The following STK3 variants were observed in gnomAD, a reference collection of about 807,000 sequenced individuals.
The protein encoded by STK3 is serine/threonine-protein kinase 3.
Under a neutral mutation model 58.0 loss-of-function variants are expected in STK3, and 41 were observed. The ratio of observed to expected loss-of-function variants is 0.71; its 90% CI spans 0.55 to 0.92. The LOEUF is 0.92. Among genes scored for constraint, STK3 ranks in the 40% least tolerant of loss-of-function variants. The pLI, the probability that STK3 is intolerant of heterozygous loss-of-function variation, is 0.00. For missense variants in STK3, 479 were observed against 602.7 expected (o/e 0.79, Z 2.15); for synonymous variants, 170 against 191.0 (o/e 0.89, Z 0.91).
intron 10 of STK3, among the ~76,000 whole-genome samples, chr8:98,497,103 T>C (rs1823198436): frequency 6.6e-6 from 1 of 152,060 alleles, no homozygotes; most frequent in Non-Finnish European, 1.5e-5. Context: ...AAGATAGACA[T>C]ATAGATCAGT....
intron 3 of STK3, among the ~76,000 whole-genome samples, chr8:98,878,106 G>A (rs558194616): frequency 1.5e-4 from 23 of 150,172 alleles, no homozygotes; most frequent in African/African-American, 5.2e-4. Flanking sequence ...AGGCTGGAGT[G>A]CAGTGGTGTG....
chr8:98,555,711 T>C (rs1037076875), intron 8 of STK3, among the ~76,000 whole-genome samples: 7 of 152,168 alleles, frequency 4.6e-5, no homozygotes, highest in Non-Finnish European at 7.3e-5. Flanking sequence ...AGTTGCATTA[T>C]AGTGGTCTAA....
intron 10 of STK3, among the ~76,000 whole-genome samples, chr8:98,510,523 A>G (rs1824433687): frequency 6.6e-6 from 1 of 151,952 alleles, no homozygotes; most frequent in Non-Finnish European, 1.5e-5. Flanking sequence ...GCTCTCAATG[A>G]TATTATGAAC....
intron 6 of STK3, among the ~76,000 whole-genome samples, chr8:98,612,827 A>C (rs1817308350): frequency 6.6e-6 from 1 of 152,162 alleles, no homozygotes; most frequent in Non-Finnish European, 1.5e-5. Context: ...AGACTATAAC[A>C]AGGTCCCACA....
Position 98,873,507 on chromosome 8 carries a change from A to G in STK3, c.110+10140T>C, listed in dbSNP as rs565454288. ...TTGTAGGTCTCTAAGGACTTGCTTT[A>G]TGAATCTGTGTGCTCCTGTATTGGG... On this transcript the variant is annotated intron_variant, in intron 3 of 12. Coordinates refer to the STK3 transcript ENST00000523601. Among the ~76,000 whole-genome samples the G allele has an allele frequency of 2.8e-4, 43 of 152,336 alleles. No homozygotes were observed. In the Middle Eastern group the frequency reaches 0.01, roughly 36 times the overall value.
rs371900754 is a variant in STK3, at chr8:98,415,783, T to C, written n.484-14270A>G. Among the ~76,000 whole-genome samples, 18 of 152,350 alleles carry C rather than the reference T, an allele frequency of 1.2e-4. 1 individual carries two copies. The highest frequency in any genetic ancestry group is 3.8e-4 in the African/African-American group (16 of 41,594). ...TCCAGGCTAACTGAACAGATGATTT[T>C]TTGAAATTCCAAAGTAATCTAATAT... On this transcript the variant is annotated intron_variant and non_coding_transcript_variant, in intron 3 of 3. Coordinates refer to the STK3 transcript ENST00000517832.
chr8:98,712,504 C>T (rs1265978900), intron 4 of STK3, among the ~76,000 whole-genome samples: 2 of 150,350 alleles, frequency 1.3e-5, no homozygotes, highest in Admixed American at 6.6e-5. Flanking sequence ...ATAAAACAGA[C>T]GTTAAACCAA....
chr8:98,622,331 A>G (rs1313138216), intron 6 of STK3, among the ~76,000 whole-genome samples: 2 of 152,132 alleles, frequency 1.3e-5, no homozygotes, highest in African/African-American at 4.8e-5. Context: ...CACTGAATAC[A>G]ATAAACCAAA....
At chr8:98,360,262 A>T in the STK3 span, among the ~76,000 whole-genome samples, 1 of 152,288 alleles carries the variant, frequency 6.6e-6, no homozygotes, top group East Asian at 1.9e-4. Context: ...GACACCTGGT[A>T]TCTCTCTCCC....
At chr8:98,775,180 A>G (rs938478000) in intron 1 of STK3, among the ~76,000 whole-genome samples, 2 of 152,174 alleles carry the variant, frequency 1.3e-5, no homozygotes, top group African/African-American at 2.4e-5. Context: ...ATCTTTCCAT[A>G]CAGGTTAATC....
intron 6 of STK3, among the ~76,000 whole-genome samples, chr8:98,705,310 G>A (rs1320938131): frequency 2.0e-5 from 3 of 151,934 alleles, no homozygotes; most frequent in Non-Finnish European, 4.4e-5. Context: ...CTACTCTGCA[G>A]GCTGAGGTGG....
chr8:98,701,704 T>A (rs1825641530), intron 6 of STK3, among the ~76,000 whole-genome samples: 1 of 151,468 alleles, frequency 6.6e-6, no homozygotes, highest in Non-Finnish European at 1.5e-5. Context: ...TCTCTCTCTC[T>A]CACACTCACT....
chr8:98,530,581 G>T (rs1405150724), intron 9 of STK3, among the ~76,000 whole-genome samples: 4 of 152,178 alleles, frequency 2.6e-5, no homozygotes, highest in African/African-American at 9.7e-5. Context: ...GAGTGCAGAG[G>T]CACCTGTGCT....
At chr8:98,511,097 A>G (rs1001020583) in intron 10 of STK3, among the ~76,000 whole-genome samples, 4 of 152,112 alleles carry the variant, frequency 2.6e-5, no homozygotes, top group African/African-American at 9.6e-5. Context: ...TATGAATAAT[A>G]ACATATTCTA....
At chr8:98,379,111 G>T (rs1817704794) in intron 2 of STK3, 2 of 152,152 alleles carry the variant, frequency 1.3e-5, no homozygotes. Flanking sequence ...GGGGTTAGGG[G>T]AAGCATGGTT....
intron 4 of STK3, among the ~76,000 whole-genome samples, chr8:98,738,562 A>G (rs1464064815): frequency 6.6e-6 from 1 of 152,190 alleles, no homozygotes; most frequent in Non-Finnish European, 1.5e-5. Context: ...CATCCCAAAC[A>G]TCAAGCACGC....
chr8:98,379,148 A>C (rs1382773483), intron 2 of STK3: 2 of 152,164 alleles, frequency 1.3e-5, no homozygotes, highest in African/African-American at 4.8e-5. Context: ...TTCAAGGGTT[A>C]ATACCTAAGA....
At chr8:98,516,996 C>T (rs931568875) in intron 10 of STK3, among the ~76,000 whole-genome samples, 2 of 151,864 alleles carry the variant, frequency 1.3e-5, no homozygotes, top group Non-Finnish European at 2.9e-5. Context: ...TATAAGATGC[C>T]TTAATAATTA....
At chr8:98,812,932 T>C (rs1202230119) in intron 1 of STK3, among the ~76,000 whole-genome samples, 1 of 151,864 alleles carries the variant, frequency 6.6e-6, no homozygotes, top group Non-Finnish European at 1.5e-5. Flanking sequence ...ATATACCTAA[T>C]GTAAATGACA....
Sources: allele counts gnomAD v4.1 joint callset (sites outside exome capture counted in the v4.1 genomes callset), GRCh38; gene constraint gnomAD v4.1.1; transcripts MANE v1.5; gene names NCBI Gene and HGNC (gene_info 2026-07-23, HGNC 2026-07-21).